The following LRBA variants were observed in gnomAD, a reference collection of about 807,000 sequenced individuals.
LRBA encodes the protein lipopolysaccharide-responsive and beige-like anchor protein.
Under a neutral mutation model 330.0 loss-of-function variants are expected in LRBA, and 176 were observed. The ratio of observed to expected loss-of-function variants is 0.53; its 90% CI spans 0.47 to 0.60. LRBA has a LOEUF of 0.60. LRBA is among the 20% of genes least tolerant of loss of function. The pLI is 0.00. For missense variants in LRBA, 3,259 were observed against 3,444.8 expected, an observed-to-expected ratio of 0.95 and a Z score of 1.35; for synonymous variants, 1,230 against 1,193.0, an observed-to-expected ratio of 1.03 and a Z score of -0.64.
intron 47 of LRBA, among the ~76,000 whole-genome samples, chr4:150,357,724 T>C (rs1045009046): frequency 6.6e-6 from 1 of 151,908 alleles, no homozygotes; most frequent in Non-Finnish European, 1.5e-5. Flanking sequence ...ATTTCTTTTA[T>C]GTGTTTGCAT....
At chr4:150,860,459 G>A (rs1751756153) in intron 22 of LRBA, among the ~76,000 whole-genome samples, 1 of 152,068 alleles carries the variant, frequency 6.6e-6, no homozygotes, top group African/African-American at 2.4e-5. Flanking sequence ...GTAGGCACTA[G>A]AGACCTCTCC....
intron 2 of LRBA, among the ~76,000 whole-genome samples, chr4:150,979,716 T>C (rs1354833178): frequency 2.6e-5 from 4 of 152,196 alleles, no homozygotes; most frequent in Admixed American, 2.6e-4. Flanking sequence ...AAGATAGTAT[T>C]TGCAAGCTTC....
At chr4:150,561,868 G>A (rs1768388092) in intron 40 of LRBA, among the ~76,000 whole-genome samples, 1 of 152,024 alleles carries the variant, frequency 6.6e-6, no homozygotes, top group Non-Finnish European at 1.5e-5. Context: ...ATCAATTCCT[G>A]TACTAAACAA....
chr4:150,470,681 C>T (rs929007814), intron 43 of LRBA, among the ~76,000 whole-genome samples: 3 of 152,150 alleles, frequency 2.0e-5, no homozygotes, highest in Admixed American at 6.6e-5. Context: ...TTCCCACTAA[C>T]GCAGGCCAGA....
chr4:150,806,734 C>A (rs1742852919), intron 32 of LRBA, among the ~76,000 whole-genome samples: 2 of 151,958 alleles, frequency 1.3e-5, no homozygotes, highest in Admixed American at 6.6e-5. Context: ...AAGTCTTCAA[C>A]AAATTTTTCT....
intron 37 of LRBA, among the ~76,000 whole-genome samples, chr4:150,639,361 A>T (rs906682811): frequency 1.9e-4 from 2 of 10,444 alleles, no homozygotes; most frequent in African/African-American, 2.4e-4. Flanking sequence ...AAAGTATAAT[A>T]AAAAAAAAAA....
chr4:150,964,418 T>C (rs1738647984), intron 2 of LRBA, among the ~76,000 whole-genome samples: 1 of 149,514 alleles, frequency 6.7e-6, no homozygotes, highest in South Asian at 2.1e-4. Context: ...AGAGGTCGGA[T>C]TGTTATTGTG....
chr4:150,480,303 T>C (rs921200351), intron 42 of LRBA, among the ~76,000 whole-genome samples: 2 of 152,158 alleles, frequency 1.3e-5, no homozygotes, highest in African/African-American at 4.8e-5. Flanking sequence ...ATTAGGTTAC[T>C]TTCAACTATA....
At chr4:150,295,484 AC>A (rs1728873128) in intron 53 of LRBA, among the ~76,000 whole-genome samples, 1 of 152,312 alleles carries the variant, frequency 6.6e-6, no homozygotes, top group South Asian at 2.1e-4. Context: ...GGCATGAGCC[AC>A]TGTGCCCGGC....
At chr4:150,654,122 C>G (rs899727772) in intron 37 of LRBA, among the ~76,000 whole-genome samples, 2 of 151,900 alleles carry the variant, frequency 1.3e-5, no homozygotes, top group South Asian at 4.1e-4. Flanking sequence ...ATTTTTAATT[C>G]TATTTTATAA....
chr4:151,002,038 C>A (rs1743409658), intron 2 of LRBA, among the ~76,000 whole-genome samples: 1 of 151,816 alleles, frequency 6.6e-6, no homozygotes, highest in Admixed American at 6.6e-5. Context: ...ACCACACAGA[C>A]CCAGAATCAA....
chr4:150,777,066 TTTGTTG>T (rs70941442), intron 34 of LRBA, among the ~76,000 whole-genome samples: 77 of 134,364 alleles, frequency 5.7e-4, no homozygotes, highest in East Asian at 3.4e-3. Flanking sequence ...TTTGAGGGGT[TTTGTTG>T]TTGTTGTTGT....
intron 47 of LRBA, among the ~76,000 whole-genome samples, chr4:150,399,640 C>T (rs56714695): frequency 0.15 from 22,791 of 151,844 alleles, 1,730 homozygotes; most frequent in Non-Finnish European, 0.17. Context: ...ACTCTGTTGG[C>T]GTGGTTGGTG....
At chr4:150,378,823 T>C (rs1217185759) in intron 47 of LRBA, among the ~76,000 whole-genome samples, 1 of 152,158 alleles carries the variant, frequency 6.6e-6, no homozygotes, top group African/African-American at 2.4e-5. Flanking sequence ...CTATGACTAG[T>C]ATGTACCTTA....
intron 49 of LRBA, among the ~76,000 whole-genome samples, chr4:150,322,164 C>CTT (rs1318237357): frequency 1.3e-5 from 2 of 152,084 alleles, no homozygotes. Flanking sequence ...GAGCTCAAGA[C>CTT]TTTTTTGATT....
intron 2 of LRBA, among the ~76,000 whole-genome samples, chr4:150,948,649 T>C (rs549977659): frequency 6.6e-6 from 1 of 152,090 alleles, no homozygotes; most frequent in East Asian, 1.9e-4. Context: ...AAAAACCTTT[T>C]CAGGAGGATG....
At chr4:150,420,522 A>G (rs1342431135) in intron 46 of LRBA, among the ~76,000 whole-genome samples, 1 of 58,020 alleles carries the variant, frequency 1.7e-5, no homozygotes, top group African/African-American at 7.2e-5. Flanking sequence ...ATATATATAA[A>G]GTATATATAA....
At chr4:150,921,889 C>A (rs1264631853) in intron 4 of LRBA, among the ~76,000 whole-genome samples, 1 of 152,252 alleles carries the variant, frequency 6.6e-6, no homozygotes, top group Admixed American at 6.5e-5. Context: ...CCACACCCGG[C>A]TAACTTTTGT....
intron 2 of LRBA, among the ~76,000 whole-genome samples, chr4:150,989,191 A>T (rs1393925126): frequency 1.3e-5 from 2 of 151,800 alleles, no homozygotes; most frequent in Non-Finnish European, 2.9e-5. Context: ...TTGTTAGTAG[A>T]GATGGGGTTT....
Sources: gnomAD v4.1 joint callset for allele counts (sites outside exome capture counted in the v4.1 genomes callset) on GRCh38, gnomAD v4.1.1 for gene constraint, MANE v1.5 for transcripts, NCBI Gene and HGNC (gene_info 2026-07-23, HGNC 2026-07-21) for gene names.